GAN: variants seen among roughly 807,000 people sequenced by gnomAD.
GAN encodes the protein epididymis secretory sperm binding protein.
Under a neutral mutation model 71.3 loss-of-function variants are expected in GAN, and 48 were observed. That is an observed-to-expected ratio of 0.67 (90% CI 0.53 to 0.86). The LOEUF (loss-of-function observed/expected upper bound fraction) is 0.86, where lower values mean the gene tolerates loss of function less well. Among genes scored for constraint, GAN ranks in the 40% least tolerant of loss-of-function variants. The pLI is 0.00. For missense variants in GAN, 928 were observed against 770.1 expected (o/e 1.21, Z -2.43); for synonymous variants, 386 against 276.8 (o/e 1.39, Z -3.92).
chr16:81,363,739 G>C, intron 6 of GAN, 55 bp from the exon 7 acceptor site: 3 of 1,554,486 alleles, frequency 1.9e-6, no homozygotes, highest in East Asian at 2.2e-5. Flanking sequence ...ATGAATATCA[G>C]CTTTCAATAT....
rs1597416349 is a variant in GAN, at chr16:81,382,038, T to C, written c.*4442T>C. 1 of 152,176 alleles carries C rather than the reference T, an allele frequency of 6.6e-6. No individual in the cohort carries two copies. Among genetic ancestry groups the C allele is most frequent in the African/African-American group, 2.4e-5 (1 of 41,434 alleles). The allele number at this position is 152,176 out of a possible 1,614,324, so 9.4% of individuals were successfully genotyped here. A position where few individuals can be genotyped will look rare whatever the true frequency, so the allele number is the denominator to read the frequency against. ...GCACAGCTTATAATGTTGATCATGT[T>C]TAGTATTGGGCTTTATTGACTGCTT... On this transcript the variant is annotated 3_prime_UTR_variant, in exon 11 of 11. Coordinates refer to ENST00000648994, the MANE Select transcript of GAN (RefSeq NM_022041.4).
chr16:81,362,302 T>C (rs1374730263), intron 5 of GAN, among the ~76,000 whole-genome samples, 197 bp from the exon 6 acceptor site: 1 of 152,250 alleles, frequency 6.6e-6, no homozygotes, highest in Non-Finnish European at 1.5e-5. Context: ...AAGACAGTAA[T>C]GAGTAAAGCA....
chr16:81,374,055 T>C (rs191315443), intron 9 of GAN, among the ~76,000 whole-genome samples: 7 of 152,314 alleles, frequency 4.6e-5, no homozygotes, highest in African/African-American at 1.7e-4. Flanking sequence ...GTTCATTCTT[T>C]CCTTGACTCT....
intron 1 of GAN, among the ~76,000 whole-genome samples, chr16:81,346,102 A>G (rs1239643119): frequency 6.6e-6 from 1 of 152,228 alleles, no homozygotes; most frequent in East Asian, 1.9e-4. Context: ...CCTCCTCTAA[A>G]TTTTTTAGTG....
chr16:81,334,470 G>C (rs972415260), intron 1 of GAN, among the ~76,000 whole-genome samples: 1 of 152,194 alleles, frequency 6.6e-6, no homozygotes, highest in Non-Finnish European at 1.5e-5. Flanking sequence ...CCCAGGCAGG[G>C]CACATGTGGT....
intron 1 of GAN, among the ~76,000 whole-genome samples, chr16:81,341,748 G>A (rs529183280): frequency 1.3e-5 from 2 of 152,260 alleles, no homozygotes; most frequent in East Asian, 1.9e-4. Flanking sequence ...TAACCAGCTA[G>A]CATCATAGTG....
At position 81,357,935 on chromosome 16, in the gene GAN, C is replaced by G. The variant is rs189406050; in HGVS notation, c.973+4C>G. 6.8e-6 allele frequency: 11 copies of G among 1,613,336 alleles called. No homozygotes were observed. Among genetic ancestry groups the G allele is most frequent in the Admixed American group, 5.0e-5 (3 of 60,000 alleles). On this transcript the variant is annotated splice_donor_region_variant and intron_variant, in intron 5 of 10. Coordinates refer to ENST00000648994, the MANE Select transcript of GAN (RefSeq NM_022041.4). ...AACCATGGAGTTCTCTCAGCAGGTA[C>G]CGTTCTGTGGCAAATTTTCCTTAAA...
At position 81,364,974 on chromosome 16, in the gene GAN, A is replaced by G. The variant is rs1263514419; in HGVS notation, c.1237A>G (p.Ile413Val). 13 of 1,614,022 alleles carry G rather than the reference A, an allele frequency of 8.1e-6. No homozygotes were observed. Among genetic ancestry groups the G allele is most frequent in the South Asian group, 4.4e-5 (4 of 91,078 alleles). ...CCCCACCATTGTTCTCTGCTTTCAG[A>G]TCGGCTGCTATGCAGCTATGAAAAA... Reference protein sequence around the residue: ...KQPDLTMVRKIGCYAAMKKKI... With the variant: ...KQPDLTMVRKVGCYAAMKKKI... Residue 413 changes from isoleucine (I) to valine (V), a missense_variant and splice_region_variant, in exon 8 of 11, where the codon ATC (isoleucine) becomes GTC (valine). Ile to Val is a conservative substitution (Grantham distance 29, BLOSUM62 3). Coordinates refer to ENST00000648994, the MANE Select transcript of GAN (RefSeq NM_022041.4).
intron 1 of GAN, among the ~76,000 whole-genome samples, chr16:81,316,080 C>A (rs1406343406): frequency 6.6e-6 from 1 of 152,226 alleles, no homozygotes; most frequent in Non-Finnish European, 1.5e-5. Flanking sequence ...GCCAACTCAA[C>A]TAACCAGGTT....
intron 7 of GAN, 60 bp downstream of exon 7, chr16:81,364,003 G>A: frequency 1.6e-6 from 2 of 1,223,090 alleles, no homozygotes; most frequent in South Asian, 1.2e-5. Context: ...AACTTAATGT[G>A]TCTTCATATC....
intron 1 of GAN, among the ~76,000 whole-genome samples, chr16:81,349,376 C>G (rs1007566739): frequency 1.3e-5 from 2 of 152,090 alleles, no homozygotes; most frequent in African/African-American, 4.8e-5. Context: ...TGGCTGGGTG[C>G]GGTGGCTCAT....
chr16:81,357,828 A>C lies in GAN; in HGVS notation c.870A>C (p.Ala290=), dbSNP rs1251315967. ...TCCTTAGTTCACGGAAACCCACAGC[A>C]GCGATGCGATGCATGTGCCCTCTCT... is the stretch of plus-strand genomic sequence containing the variant. ...GEERVSRKPT[A]AMRCMCPLYD... Residue 290 remains alanine, a synonymous_variant, in exon 5 of 11, where the codon GCA becomes GCC. Coordinates refer to ENST00000648994, the MANE Select transcript of GAN (RefSeq NM_022041.4). 1 of 1,613,632 alleles carries C rather than the reference A, an allele frequency of 6.2e-7. No individual in the cohort carries two copies. The highest frequency in any genetic ancestry group is 1.1e-5 in the South Asian group (1 of 91,076).
intron 1 of GAN, among the ~76,000 whole-genome samples, chr16:81,345,811 T>C (rs1213095240): frequency 6.6e-6 from 1 of 152,214 alleles, no homozygotes; most frequent in African/African-American, 2.4e-5. Flanking sequence ...ATCCTACCAC[T>C]GTCTGCAAGA....
chr16:81,376,495 G>GTGTA (rs1192140444), intron 9 of GAN, among the ~76,000 whole-genome samples: 4 of 147,330 alleles, frequency 2.7e-5, no homozygotes, highest in East Asian at 3.9e-4. Flanking sequence ...GTGTGTGTGT[G>GTGTA]TGTGTGTGTG....
intron 1 of GAN, among the ~76,000 whole-genome samples, chr16:81,332,696 C>G (rs1184427410): frequency 1.3e-5 from 2 of 152,174 alleles, no homozygotes; most frequent in Non-Finnish European, 2.9e-5. Flanking sequence ...GTGGTGGTTC[C>G]TCAGTCTTTC....
intron 9 of GAN, among the ~76,000 whole-genome samples, chr16:81,372,434 C>G (rs1399961721): frequency 1.3e-5 from 2 of 152,156 alleles, no homozygotes; most frequent in South Asian, 2.1e-4. Context: ...CTAAATTGTT[C>G]AGGGTCGGTG....
Position 81,354,571 on chromosome 16 carries a change from A to G in GAN, c.449A>G (p.His150Arg). Residue 150 changes from histidine to arginine, a missense_variant, in exon 3 of 11, where the codon CAT becomes CGT. His to Arg is a conservative substitution (Grantham distance 29). Coordinates refer to ENST00000648994, the MANE Select transcript of GAN (RefSeq NM_022041.4). ...CTACATTACTGCCTCCATCACGTTC[A>G]TTACCTTGCCACAGAATACCTGGAG... The part of the protein sequence containing the change: ...FALHYCLHHV[H>R]YLATEYLETH... 2.5e-6 allele frequency: 4 copies of G among 1,614,140 alleles called. No homozygotes were observed. Among genetic ancestry groups the G allele is most frequent in the Non-Finnish European group, 1.7e-6 (2 of 1,180,008 alleles).
At chr16:81,340,227 C>T (rs969538143) in intron 1 of GAN, among the ~76,000 whole-genome samples, 3 of 152,220 alleles carry the variant, frequency 2.0e-5, no homozygotes, top group Admixed American at 6.5e-5. Flanking sequence ...GCGTGAGCCA[C>T]TGTGCCCAGC....
chr16:81,322,735 A>G (rs866868577), intron 1 of GAN, among the ~76,000 whole-genome samples: 2 of 152,238 alleles, frequency 1.3e-5, no homozygotes, highest in South Asian at 4.1e-4. Context: ...AGCATTCATC[A>G]GTAACCAGTT....
Sources: gnomAD v4.1 joint callset for allele counts (sites outside exome capture counted in the v4.1 genomes callset) on GRCh38, gnomAD v4.1.1 for gene constraint, MANE v1.5 for transcripts, NCBI Gene and HGNC (gene_info 2026-07-23, HGNC 2026-07-21) for gene names.